NPAS3: variants seen among roughly 807,000 people sequenced by gnomAD.
NPAS3 encodes neuronal PAS domain protein 3, also known as neuronal PAS domain-containing protein 3.
NPAS3 carries 14 observed loss-of-function variants against 73.1 expected under a neutral mutation model. The ratio of observed to expected loss-of-function variants is 0.19; its 90% CI spans 0.13 to 0.30. The LOEUF is 0.30. Ranked by LOEUF, NPAS3 falls within the 10% of genes least tolerant of loss-of-function variation. The probability of loss-of-function intolerance (pLI) is 1.00; values close to 1 mark genes in which losing one functional copy is unlikely to be tolerated. For missense variants in NPAS3, 1,096 were observed against 1,250.0 expected, an observed-to-expected ratio of 0.88 and a Z score of 1.86; for synonymous variants, 620 against 541.5, an observed-to-expected ratio of 1.14 and a Z score of -2.01.
At chr14:33,010,876 A>G (rs1323923169) in intron 1 of NPAS3, among the ~76,000 whole-genome samples, 1 of 150,292 alleles carries the variant, frequency 6.7e-6, no homozygotes, top group Non-Finnish European at 1.5e-5. Flanking sequence ...TTGAGGCTGC[A>G]GTGAGCTAGG....
At chr14:33,249,449 C>T (rs534469205) in intron 3 of NPAS3, among the ~76,000 whole-genome samples, 2 of 151,070 alleles carry the variant, frequency 1.3e-5, no homozygotes, top group Non-Finnish European at 2.9e-5. Flanking sequence ...CATATTTATT[C>T]ATTAGAATTA....
At chr14:32,979,368 G>T (rs1391306626) in intron 1 of NPAS3, among the ~76,000 whole-genome samples, 1 of 152,088 alleles carries the variant, frequency 6.6e-6, no homozygotes, top group South Asian at 2.1e-4. Context: ...CAGTTACTTA[G>T]TGTGTATTCT....
chr14:33,775,164 A>G (rs537413358), intron 8 of NPAS3, among the ~76,000 whole-genome samples: 36 of 152,292 alleles, frequency 2.4e-4, no homozygotes, highest in Non-Finnish European at 4.1e-4. Flanking sequence ...GCACAAAGCA[A>G]GGGACAAGGA....
chr14:33,085,363 C>A (rs536911511), intron 2 of NPAS3, among the ~76,000 whole-genome samples: 2 of 152,148 alleles, frequency 1.3e-5, no homozygotes, highest in African/African-American at 2.4e-5. Context: ...GAGAAAATGG[C>A]GTAATTATTT....
chr14:33,634,566 G>A (rs985123539), intron 5 of NPAS3, among the ~76,000 whole-genome samples: 2 of 152,190 alleles, frequency 1.3e-5, no homozygotes, highest in African/African-American at 4.8e-5. Flanking sequence ...GTAACAGAGA[G>A]CACCAGGAGT....
chr14:32,935,663 A>G (rs1397841630), upstream of NPAS3, among the ~76,000 whole-genome samples: 1 of 152,246 alleles, frequency 6.6e-6, no homozygotes, highest in Non-Finnish European at 1.5e-5. Flanking sequence ...GTTTTAAAGT[A>G]TTATTTGTAG....
At chr14:33,151,066 T>C (rs1012884784) in intron 2 of NPAS3, among the ~76,000 whole-genome samples, 19 of 152,270 alleles carry the variant, frequency 1.2e-4, no homozygotes, top group Non-Finnish European at 2.6e-4. Flanking sequence ...TCAACCATTA[T>C]ACTTAACACC....
intron 2 of NPAS3, among the ~76,000 whole-genome samples, chr14:33,079,609 C>CT (rs34920021): frequency 0.45 from 25,484 of 56,048 alleles, 7,692 homozygotes; most frequent in East Asian, 0.65. Flanking sequence ...TGAGCCAGGC[C>CT]TTTTTTTTTT....
intron 3 of NPAS3, among the ~76,000 whole-genome samples, chr14:33,224,357 T>C (rs77387990): frequency 0.02 from 3,083 of 152,254 alleles, 50 homozygotes; most frequent in Admixed American, 0.044. Flanking sequence ...TTTTCAGAAA[T>C]GGCTTTCTGG....
chr14:33,117,847 A>G (rs915138300), intron 2 of NPAS3, among the ~76,000 whole-genome samples: 12 of 152,110 alleles, frequency 7.9e-5, no homozygotes, highest in African/African-American at 2.9e-4. Flanking sequence ...TACTGTCAAA[A>G]TCTTTGACAT....
At chr14:33,693,120 C>G (rs1380058327) in intron 6 of NPAS3, among the ~76,000 whole-genome samples, 1 of 152,106 alleles carries the variant, frequency 6.6e-6, no homozygotes, top group Non-Finnish European at 1.5e-5. Context: ...TATATCCATC[C>G]TTCAACTGTT....
intron 2 of NPAS3, among the ~76,000 whole-genome samples, chr14:33,138,243 C>A (rs1473191526): frequency 6.8e-6 from 1 of 147,002 alleles, no homozygotes. Flanking sequence ...TGTGATGTTC[C>A]CCTTCCTGAG....
intron 1 of NPAS3, among the ~76,000 whole-genome samples, chr14:32,977,549 T>G (rs149805005): frequency 1.4e-3 from 212 of 152,094 alleles, no homozygotes; most frequent in African/African-American, 4.9e-3. Flanking sequence ...CTGGGCAACA[T>G]AGAAAGACCG....
intron 3 of NPAS3, among the ~76,000 whole-genome samples, chr14:33,291,476 T>C (rs889083664): frequency 7.2e-5 from 11 of 152,204 alleles, no homozygotes; most frequent in African/African-American, 2.7e-4. Context: ...GATTTTATCA[T>C]TGTGGCCTGG....
intron 3 of NPAS3, among the ~76,000 whole-genome samples, chr14:33,288,549 T>C (rs2041970922): frequency 6.6e-6 from 1 of 152,036 alleles, no homozygotes; most frequent in Non-Finnish European, 1.5e-5. Context: ...CTAAACATGA[T>C]GTTGAGTGAA....
chr14:33,313,686 C>T (rs374022527), intron 3 of NPAS3, among the ~76,000 whole-genome samples: 4 of 152,172 alleles, frequency 2.6e-5, no homozygotes, highest in South Asian at 4.1e-4. Context: ...CTCGTAATTA[C>T]TTTAAATTAT....
At chr14:33,080,970 G>C (rs1229357225) in intron 2 of NPAS3, among the ~76,000 whole-genome samples, 1 of 152,140 alleles carries the variant, frequency 6.6e-6, no homozygotes, top group Non-Finnish European at 1.5e-5. Context: ...TTGTTAATAA[G>C]TGTTATTTGG....
intron 3 of NPAS3, among the ~76,000 whole-genome samples, chr14:33,264,171 G>C (rs2139975222): frequency 6.6e-6 from 1 of 151,672 alleles, no homozygotes; most frequent in South Asian, 2.1e-4. Context: ...CGATTGCAAG[G>C]ACAAAAAACC....
At chr14:33,027,218 T>C (rs1409662602) in intron 1 of NPAS3, among the ~76,000 whole-genome samples, 7 of 152,192 alleles carry the variant, frequency 4.6e-5, no homozygotes, top group Admixed American at 2.6e-4. Context: ...TGGGGCTGAA[T>C]TGAGTAGTCT....
Sources: gnomAD v4.1 joint callset for allele counts (sites outside exome capture counted in the v4.1 genomes callset) on GRCh38, gnomAD v4.1.1 for gene constraint, MANE v1.5 for transcripts, NCBI Gene and HGNC (gene_info 2026-07-23, HGNC 2026-07-21) for gene names.